SCNN1A: variants seen among roughly 807,000 people sequenced by gnomAD.
The protein encoded by SCNN1A is epithelial sodium channel subunit alpha.
Under a neutral mutation model 68.6 loss-of-function variants are expected in SCNN1A, and 65 were observed. That is an observed-to-expected ratio of 0.95 (90% confidence interval 0.78 to 1.16). The LOEUF (loss-of-function observed/expected upper bound fraction) is 1.16. SCNN1A is among the 50% of genes most tolerant of loss of function. SCNN1A has a pLI of 0.00. For synonymous variants in SCNN1A, 357 were observed against 353.3 expected (o/e 1.01, Z -0.12); for missense variants, 880 against 865.9 (o/e 1.02, Z -0.20).
Position 6,348,119 on chromosome 12 carries a change from G to T in SCNN1A, c.1764C>A (p.Phe588Leu). Residue 588 changes from phenylalanine to leucine, a missense_variant, in exon 13 of 13, where the codon TTC (phenylalanine) becomes TTA (leucine). Phe to Leu is a conservative substitution (Grantham distance 22). Transcript: ENST00000228916. ...VIMFLMLLRR[F>L]RSRYWSPGRG... ...GGCCTGGAGACCAGTATCGGCTTCG[G>T]AACCTTCGGAGCAGCATGAGGAACA... The T allele has an allele frequency of 6.2e-7, 1 of 1,614,170 alleles. No individual in the cohort carries two copies. Among genetic ancestry groups the T allele is most frequent in the Non-Finnish European group, 8.5e-7 (1 of 1,180,036 alleles).
rs1354542564 is a variant in SCNN1A at position 6,354,823 on chromosome 12, T to A, written c.1169A>T (p.Asp390Val). Residue 390 changes from aspartate (D) to valine (V), a missense_variant, in exon 7 of 13, where the codon GAT (aspartate) becomes GTT (valine). Around this residue, in one of 3 missense-constraint regions of SCNN1A, gnomAD observed 758 missense variants for 721.8 expected, o/e 1.05. Coordinates refer to ENST00000228916, the MANE Select transcript of SCNN1A (RefSeq NM_001038.6). Reference protein sequence around the residue: ...RKETLDRLGGDYGDCTKNGSD... With the variant: ...RKETLDRLGGVYGDCTKNGSD... ...GCCATTCTTGGTGCAGTCGCCATAA[T>A]CGCCCCCAAGTCTGTCCAGGGTTTC... 1 of 1,613,918 alleles carries A rather than the reference T, an allele frequency of 6.2e-7. No individual in the cohort carries two copies. Among genetic ancestry groups the A allele is most frequent in the East Asian group, 2.2e-5 (1 of 44,876 alleles).
chr12:6,364,630 C>T (rs1050502701), intron 2 of SCNN1A, among the ~76,000 whole-genome samples: 26 of 151,632 alleles, frequency 1.7e-4, no homozygotes, highest in South Asian at 2.1e-4. Context: ...GGCTTGGTGG[C>T]GGGCGCCTGT....
intron 4 of SCNN1A, among the ~76,000 whole-genome samples, chr12:6,359,457 T>C (rs1948548217): frequency 6.6e-6 from 1 of 152,270 alleles, no homozygotes; most frequent in Admixed American, 6.5e-5. Flanking sequence ...TGATCCCCCA[T>C]GTTGGAGGTG....
At chr12:6,371,578 G>T (rs1948794262) in intron 2 of SCNN1A, among the ~76,000 whole-genome samples, 1 of 124,660 alleles carries the variant, frequency 8.0e-6, no homozygotes, top group South Asian at 3.3e-4. Context: ...GTGGGGCGGG[G>T]GGCGGGGGAT....
intron 8 of SCNN1A, among the ~76,000 whole-genome samples, chr12:6,352,021 G>T (rs149377405): frequency 2.1e-3 from 319 of 152,268 alleles, no homozygotes; most frequent in African/African-American, 7.4e-3. Context: ...AAAGTGCTGC[G>T]ATTACAGGCA....
intron 8 of SCNN1A, 116 bp from the exon 9 acceptor site, chr12:6,349,521 T>C (rs1677383821): frequency 2.7e-6 from 2 of 751,456 alleles, no homozygotes; most frequent in Non-Finnish European, 4.7e-6. Flanking sequence ...TATTTAGCAT[T>C]ATAATGATGC....
At position 6,354,494 on chromosome 12, in the gene SCNN1A, A is replaced by G; in HGVS notation, c.1304T>C (p.Phe435Ser). ...CTCCACGTTCTGGGGCCGCGGATAG[A>G]AGATGTAGGCACAGCCACACTCCTT... ...MIKECGCAYI[F>S]YPRPQNVEYC... The change falls in exon 8 of 13, where the codon TTC becomes TCC. Residue 435 changes from phenylalanine to serine, a missense_variant. Phe to Ser is a radical substitution (Grantham distance 155). Around this residue, in one of 3 missense-constraint regions of SCNN1A, gnomAD observed 758 missense variants for 721.8 expected, o/e 1.05. Coordinates refer to ENST00000228916, the MANE Select transcript of SCNN1A (RefSeq NM_001038.6). 2 of 1,613,742 alleles carry G rather than the reference A, an allele frequency of 1.2e-6. No homozygotes were observed.
At chr12:6,376,716 G>C (rs559237004), upstream of SCNN1A, among the ~76,000 whole-genome samples, 1 of 152,256 alleles carries the variant, frequency 6.6e-6, no homozygotes, top group East Asian at 1.9e-4. Flanking sequence ...GAGGAGACTC[G>C]GGAGAGCCAC....
intron 2 of SCNN1A, among the ~76,000 whole-genome samples, chr12:6,365,725 A>G (rs1244291043): frequency 1.3e-5 from 2 of 152,376 alleles, no homozygotes; most frequent in East Asian, 3.9e-4. Context: ...TAACGTAAAC[A>G]TGAAATTCAG....
At chr12:6,369,569 A>T (rs1473392879) in intron 2 of SCNN1A, among the ~76,000 whole-genome samples, 1 of 152,124 alleles carries the variant, frequency 6.6e-6, no homozygotes, top group Non-Finnish European at 1.5e-5. Context: ...GCGGTGGCTC[A>T]CGCCTATAAT....
rs933117384 is a variant in SCNN1A, at chr12:6,375,293, T to TC, written c.-55+211dup. The TC allele has an allele frequency of 8.1e-5, 116 of 1,435,382 alleles. No individual in the cohort carries two copies. The East Asian group carries it at 2.4e-3, about 30-fold the overall frequency. 88.9% of individuals were successfully genotyped at this position (1,435,382 alleles called of 1,614,324 possible). On this transcript the variant is annotated intron_variant, in intron 1 of 12. Coordinates refer to ENST00000228916, the MANE Select transcript of SCNN1A (RefSeq NM_001038.6). ...CTCTCTAATCCTGCCTCTCTTCCTCTCCCCCCCTTGCCTTGCCCCCTCTCA... is the reference window on the plus strand; with the variant it reads ...CTCTCTAATCCTGCCTCTCTTCCTCTCCCCCCCCTTGCCTTGCCCCCTCTCA...
rs879528542 is a variant in SCNN1A, at chr12:6,347,103, T to A, written c.*770A>T. On this transcript the variant is annotated 3_prime_UTR_variant, in exon 13 of 13. Coordinates refer to ENST00000228916, the MANE Select transcript of SCNN1A (RefSeq NM_001038.6). The stretch of plus-strand genomic sequence containing the variant: ...GGGAAGACAAGATGTGGCAGAAGCG[T>A]TCACAAAAGTAATGGTGTCTGAGCA... 4.6e-5 allele frequency: 7 copies of A among 152,418 alleles called. No individual in the cohort carries two copies. The highest frequency in any genetic ancestry group is 3.9e-4 in the Admixed American group (6 of 15,284). 9.4% of individuals were successfully genotyped at this position (152,418 alleles called of 1,614,324 possible). A position where few individuals can be genotyped will look rare whatever the true frequency, so the allele number is the denominator to read the frequency against.
At chr12:6,368,308 G>T (rs536247837) in intron 2 of SCNN1A, among the ~76,000 whole-genome samples, 4 of 152,168 alleles carry the variant, frequency 2.6e-5, no homozygotes, top group African/African-American at 9.7e-5. Context: ...CACAGAAAAC[G>T]GAAGTAAGGT....
Position 6,374,749 on chromosome 12 carries a change from C to G in SCNN1A, c.35G>C (p.Ser12Thr). The G allele has an allele frequency of 6.2e-7, 1 of 1,614,100 alleles. No individual in the cohort carries two copies. Among genetic ancestry groups the G allele is most frequent in the Non-Finnish European group, 8.5e-7 (1 of 1,180,000 alleles). Residue 12 changes from serine (S) to threonine (T), a missense_variant, in exon 2 of 13, where the codon AGC becomes ACC. This residue lies in a region of SCNN1A where 77 missense variants were observed against 67.4 expected (regional missense o/e 1.14). Transcript: ENST00000228916. The surrounding 1 kb of genome is among the most constrained non-coding windows in gnomAD (Gnocchi z 6.2). ...GAGCCCTGGAGTGGACTGTGGAGGG[C>G]TAGAGTCCTGCTCCTCCAGCTTGTT... Reference protein sequence around the residue: ...EGNKLEEQDSSPPQSTPGLMK... With the variant: ...EGNKLEEQDSTPPQSTPGLMK...
chr12:6,362,010 G>A (rs745384622), intron 4 of SCNN1A, 41 bp downstream of exon 4: 13 of 1,605,810 alleles, frequency 8.1e-6, no homozygotes, highest in Middle Eastern at 1.8e-4. Flanking sequence ...CCAGGGAAGC[G>A]GACCCCGCGG....
chr12:6,363,827 G>A, intron 2 of SCNN1A, 117 bp from the exon 3 acceptor site: 1 of 1,035,256 alleles, frequency 9.7e-7, no homozygotes, highest in Non-Finnish European at 1.4e-6. Flanking sequence ...GAGAAGCCTG[G>A]GCGGGGCTGG....
At chr12:6,354,973 T>C in intron 6 of SCNN1A, 125 bp from the exon 7 acceptor site, 1 of 862,648 alleles carries the variant, frequency 1.2e-6, no homozygotes, top group Non-Finnish European at 1.9e-6. Context: ...GCCCTCTCAA[T>C]ACATGCTTCC....
chr12:6,352,993 C>T (rs1390075561), intron 8 of SCNN1A, among the ~76,000 whole-genome samples: 1 of 152,232 alleles, frequency 6.6e-6, no homozygotes, highest in Non-Finnish European at 1.5e-5. Flanking sequence ...GGAGGAGGAA[C>T]TGCAGGGGGA....
intron 4 of SCNN1A, 76 bp downstream of exon 4, chr12:6,361,975 T>C: frequency 1.3e-6 from 2 of 1,488,532 alleles, no homozygotes; most frequent in Non-Finnish European, 1.9e-6. Flanking sequence ...TCCTGGGCCC[T>C]GCCCATGCAG....
Sources: allele counts gnomAD v4.1 joint callset (sites outside exome capture counted in the v4.1 genomes callset), GRCh38; gene constraint gnomAD v4.1.1; regional missense constraint gnomAD v4.1.1; non-coding constraint Gnocchi (gnomAD v3.1); transcripts MANE v1.5; gene names NCBI Gene and HGNC (gene_info 2026-07-23, HGNC 2026-07-21).